The following BSPH1 variants were observed in gnomAD, a reference collection of about 807,000 sequenced individuals.
The protein encoded by BSPH1 is binder of sperm 1.
A neutral mutation model predicts 22.5 loss-of-function variants in BSPH1; 21 were observed. That is an observed-to-expected ratio of 0.93 (90% CI 0.66 to 1.35). The LOEUF is 1.35. Ranked by LOEUF, BSPH1 falls within the 40% of genes most tolerant of loss-of-function variation. The pLI, the probability that BSPH1 is intolerant of heterozygous loss-of-function variation, is 0.00. For synonymous variants in BSPH1, 42 were observed against 53.6 expected (o/e 0.78, Z 0.95); for missense variants, 141 against 154.2 (o/e 0.91, Z 0.45).
At chr19:47,988,576 T>C (rs1969493164) in intron 1 of BSPH1, among the ~76,000 whole-genome samples, 1 of 152,060 alleles carries the variant, frequency 6.6e-6, no homozygotes, top group Non-Finnish European at 1.5e-5. Context: ...CTCTTAGCCA[T>C]GGTTCCTCCT....
At chr19:47,967,500 A>G (rs367629924), downstream of BSPH1, among the ~76,000 whole-genome samples, 193 of 152,276 alleles carry the variant, frequency 1.3e-3, 1 homozygote, top group African/African-American at 4.5e-3. Context: ...AGGTGACATC[A>G]AGGTTGGTTT....
chr19:47,973,721 C>T (rs755867098), intron 5 of BSPH1, among the ~76,000 whole-genome samples: 12 of 152,262 alleles, frequency 7.9e-5, no homozygotes, highest in Admixed American at 3.9e-4. Flanking sequence ...GCCAAGTACA[C>T]GCGGGGAGGG....
intron 5 of BSPH1, among the ~76,000 whole-genome samples, chr19:47,972,189 T>C (rs1969316436): frequency 6.6e-6 from 1 of 152,172 alleles, no homozygotes. Flanking sequence ...GATTTCACAA[T>C]TTAACAAGGG....
intron 1 of BSPH1, among the ~76,000 whole-genome samples, chr19:47,986,097 A>C (rs956631975): frequency 6.6e-6 from 1 of 152,166 alleles, no homozygotes; most frequent in Non-Finnish European, 1.5e-5. Context: ...AGGGAAAAAA[A>C]GCTGCAGTGG....
At chr19:47,987,226 A>C (rs1969479344) in intron 1 of BSPH1, among the ~76,000 whole-genome samples, 1 of 152,222 alleles carries the variant, frequency 6.6e-6, no homozygotes, top group African/African-American at 2.4e-5. Flanking sequence ...TTTGAGTGTC[A>C]CTAGACAATC....
chr19:47,968,696 A>AAG (rs1568394109), intron 5 of BSPH1, among the ~76,000 whole-genome samples: 1 of 149,748 alleles, frequency 6.7e-6, no homozygotes. Flanking sequence ...AAAAAAAAAA[A>AAG]AAAAAAAGAA....
At chr19:47,990,126 A>G (rs28444928) in intron 1 of BSPH1, among the ~76,000 whole-genome samples, 2 of 82,346 alleles carry the variant, frequency 2.4e-5, no homozygotes, top group African/African-American at 5.7e-5. Flanking sequence ...CTCAAAAAAA[A>G]AAAAAAAAAA....
intron 1 of BSPH1, among the ~76,000 whole-genome samples, chr19:47,983,459 G>A (rs576406460): frequency 1.3e-5 from 2 of 152,252 alleles, no homozygotes; most frequent in East Asian, 3.9e-4. Context: ...AGATACAGAC[G>A]AGTGATTCCA....
At chr19:47,990,887 C>A (rs754054830) in intron 1 of BSPH1, among the ~76,000 whole-genome samples, 1 of 152,188 alleles carries the variant, frequency 6.6e-6, no homozygotes, top group Non-Finnish European at 1.5e-5. Flanking sequence ...CATTTAAAAT[C>A]TCCTAGCATG....
At chr19:47,989,720 T>C (rs1029682279) in intron 1 of BSPH1, among the ~76,000 whole-genome samples, 2 of 152,124 alleles carry the variant, frequency 1.3e-5, no homozygotes, top group Non-Finnish European at 2.9e-5. Flanking sequence ...CATCTTATTA[T>C]CTGCAAGCCG....
intron 3 of BSPH1, among the ~76,000 whole-genome samples, chr19:47,979,178 TCCTCCTCTTCCA>T (rs1969395598): frequency 2.6e-5 from 4 of 152,046 alleles, no homozygotes; most frequent in Admixed American, 2.6e-4. Flanking sequence ...TCCCTCCTCC[TCCTCCTCTTCCA>T]TTTTTCTAGG....
intron 5 of BSPH1, 126 bp downstream of exon 5, chr19:47,976,582 GAA>G (rs770125279): frequency 4.4e-4 from 184 of 414,074 alleles, no homozygotes; most frequent in East Asian, 6.9e-4. Context: ...TCACATCCCA[GAA>G]AAAAAAAAAA....
intron 1 of BSPH1, among the ~76,000 whole-genome samples, chr19:47,990,635 A>T (rs1969514646): frequency 6.6e-6 from 1 of 151,738 alleles, no homozygotes; most frequent in Non-Finnish European, 1.5e-5. Context: ...TTTTTAATGC[A>T]AAGATGTCCT....
At chr19:47,987,725 TG>T (rs1969484415) in intron 1 of BSPH1, among the ~76,000 whole-genome samples, 1 of 152,076 alleles carries the variant, frequency 6.6e-6, no homozygotes, top group Admixed American at 6.6e-5. Context: ...TAGGCAGGGC[TG>T]GGTGTGGTGG....
Position 47,986,283 on chromosome 19 carries a change from G to A in BSPH1, c.74-5342C>T, listed in dbSNP as rs113687872. 1.8e-3 allele frequency among the ~76,000 whole-genome samples: 281 copies of A among 152,272 alleles called. 2 individuals are homozygous for A. Among genetic ancestry groups the A allele is most frequent in the African/African-American group, 6.2e-3 (259 of 41,558 alleles). ...GCACAAGATAGAAGACAAAACTTAC[G>A]AATCTAGAGAATGTCAGAAGGCCTG... On this transcript the variant is annotated intron_variant, in intron 1 of 5. Transcript: ENST00000344839.
chr19:47,978,014 A>ATATATAAC (rs1246141927), intron 3 of BSPH1, among the ~76,000 whole-genome samples: 2 of 144,216 alleles, frequency 1.4e-5, no homozygotes, highest in Non-Finnish European at 3.0e-5. Flanking sequence ...ATATATATAT[A>ATATATAAC]TATATATATA....
Position 47,986,604 on chromosome 19 carries a change from G to A in BSPH1, c.73+5405C>T, listed in dbSNP as rs370387025. On this transcript the variant is annotated intron_variant, in intron 1 of 5. Coordinates refer to ENST00000344839, the MANE Select transcript of BSPH1 (RefSeq NM_001128326.2). ...AAATAAAGACACAAAAATTAGCTGG[G>A]CATGGTGGCGTGCACCTGTAGTCCC... 4.6e-5 allele frequency among the ~76,000 whole-genome samples: 7 copies of A among 151,974 alleles called. No individual in the cohort carries two copies. In the South Asian group the frequency reaches 1.2e-3, roughly 27 times the overall value.
chr19:47,969,523 G>A (rs1969289544), intron 5 of BSPH1, among the ~76,000 whole-genome samples: 1 of 152,068 alleles, frequency 6.6e-6, no homozygotes, highest in East Asian at 1.9e-4. Context: ...TCAGTCAGGA[G>A]ACAGAAACGA....
chr19:47,974,269 C>CTCTCTCTTTCTT (rs57733472), intron 5 of BSPH1, among the ~76,000 whole-genome samples: 20 of 75,992 alleles, frequency 2.6e-4, no homozygotes, highest in African/African-American at 1.1e-3. Context: ...CTCTCTCTCT[C>CTCTCTCTTTCTT]TTTTTTTTTT....
Sources: allele counts gnomAD v4.1 joint callset (sites outside exome capture counted in the v4.1 genomes callset), GRCh38; gene constraint gnomAD v4.1.1; transcripts MANE v1.5; gene names NCBI Gene and HGNC (gene_info 2026-07-23, HGNC 2026-07-21).